Variants in TSPAN5 observed in about 807,000 individuals in gnomAD.
TSPAN5 encodes the protein tetraspanin-5.
In TSPAN5, 10 loss-of-function variants were observed where a neutral mutation model predicts 37.1. The observed-to-expected ratio is 0.27, with a 90% CI of 0.17 to 0.46. The LOEUF is 0.46. Among genes scored for constraint, TSPAN5 ranks in the 20% least tolerant of loss-of-function variants. The pLI is 1.00. For synonymous variants in TSPAN5, 110 were observed against 118.9 expected (o/e 0.93, Z 0.48); for missense variants, 195 against 326.6 (o/e 0.60, Z 3.11).
In TSPAN5 at chr4:98,658,503, C is replaced by T; in HGVS notation, c.-277G>A. On this transcript the variant is annotated 5_prime_UTR_variant, in exon 1 of 8. Coordinates refer to ENST00000305798, the MANE Select transcript of TSPAN5 (RefSeq NM_005723.4). ...AAGCCTCGCCGACGCTAGCCCCGAA[C>T]ACAAAGCGAGCGCCCGCGTCCGTGC... The T allele has an allele frequency of 4.4e-6, 1 of 225,686 alleles. No homozygotes were observed. Among genetic ancestry groups the T allele is most frequent in the Non-Finnish European group, 8.6e-6 (1 of 116,830 alleles). The allele number at this position is 225,686 out of a possible 1,614,324, so 14.0% of individuals were successfully genotyped here. A position where few individuals can be genotyped will look rare whatever the true frequency, so the allele number is the denominator to read the frequency against.
chr4:98,651,412 C>T (rs1757182992), intron 1 of TSPAN5, among the ~76,000 whole-genome samples: 1 of 152,170 alleles, frequency 6.6e-6, no homozygotes, highest in African/African-American at 2.4e-5. Flanking sequence ...ATGGGAGCAA[C>T]TGGGAAACTT....
At chr4:98,491,210 C>T (rs1052166467) in intron 2 of TSPAN5, among the ~76,000 whole-genome samples, 6 of 152,132 alleles carry the variant, frequency 3.9e-5, no homozygotes, top group African/African-American at 1.2e-4. Flanking sequence ...TACATCCACT[C>T]GGCATTTTTC....
chr4:98,514,594 G>A (rs1247360671), intron 1 of TSPAN5, among the ~76,000 whole-genome samples: 1 of 152,142 alleles, frequency 6.6e-6, no homozygotes, highest in East Asian at 1.9e-4. Flanking sequence ...CTGTAAACAG[G>A]ACATGTCCCA....
intron 1 of TSPAN5, among the ~76,000 whole-genome samples, chr4:98,621,628 A>G (rs1756483132): frequency 6.6e-6 from 1 of 152,066 alleles, no homozygotes; most frequent in Non-Finnish European, 1.5e-5. Context: ...TCAGGCTCCC[A>G]AAGTGCTAGG....
chr4:98,530,220 C>T (rs577871104), intron 1 of TSPAN5, among the ~76,000 whole-genome samples: 4 of 152,212 alleles, frequency 2.6e-5, no homozygotes, highest in Non-Finnish European at 5.9e-5. Flanking sequence ...AAATGAGAGA[C>T]AGTGAGCACA....
intron 1 of TSPAN5, among the ~76,000 whole-genome samples, chr4:98,546,387 CCT>C (rs1314856995): frequency 2.6e-5 from 4 of 152,114 alleles, no homozygotes; most frequent in African/African-American, 9.7e-5. Context: ...CCTGAGTATC[CCT>C]GAGAGGTGTT....
intron 1 of TSPAN5, among the ~76,000 whole-genome samples, chr4:98,639,132 C>A (rs1044825629): frequency 1.3e-5 from 2 of 152,132 alleles, no homozygotes; most frequent in African/African-American, 4.8e-5. Flanking sequence ...AAGTGTCTCC[C>A]AACAATTTGT....
At chr4:98,555,521 T>C (rs1754721375) in intron 1 of TSPAN5, among the ~76,000 whole-genome samples, 1 of 152,268 alleles carries the variant, frequency 6.6e-6, no homozygotes, top group Non-Finnish European at 1.5e-5. Context: ...TAGTTGTTTT[T>C]CAGCTGTCTC....
chr4:98,516,026 C>G (rs773603086), intron 1 of TSPAN5, among the ~76,000 whole-genome samples: 2 of 152,154 alleles, frequency 1.3e-5, no homozygotes, highest in Non-Finnish European at 2.9e-5. Context: ...TGCATGATAT[C>G]CTGTGTGAAT....
At chr4:98,482,872 A>G (rs1160646186) in intron 3 of TSPAN5, 2 of 152,134 alleles carry the variant, frequency 1.3e-5, no homozygotes, top group Admixed American at 1.3e-4. Context: ...CAACATTTTA[A>G]GTGACATCAA....
intron 1 of TSPAN5, among the ~76,000 whole-genome samples, chr4:98,515,378 T>TC (rs1274833682): frequency 6.6e-6 from 1 of 152,124 alleles, no homozygotes; most frequent in African/African-American, 2.4e-5. Context: ...TAATATCAGT[T>TC]CCTGCCCCCC....
At chr4:98,508,559 C>G (rs1195360551) in intron 1 of TSPAN5, among the ~76,000 whole-genome samples, 2 of 130,448 alleles carry the variant, frequency 1.5e-5, no homozygotes, top group Non-Finnish European at 3.1e-5. Context: ...GGGTTTTACT[C>G]TCTCACACAG....
At chr4:98,547,869 G>T (rs1754504411) in intron 1 of TSPAN5, among the ~76,000 whole-genome samples, 1 of 151,930 alleles carries the variant, frequency 6.6e-6, no homozygotes, top group African/African-American at 2.4e-5. Context: ...CGCTGGCGTG[G>T]TGGTGGGTGC....
In TSPAN5 at chr4:98,607,712, A is replaced by T. The variant is rs575297666; in HGVS notation, c.81+50434T>A. ...AACAATCTGTGATGCCTTAAATGAA[A>T]TTTTTTTTTTTTTTTGAGATGGAGT... On this transcript the variant is annotated intron_variant, in intron 1 of 7. Coordinates refer to ENST00000305798, the MANE Select transcript of TSPAN5 (RefSeq NM_005723.4). Among the ~76,000 whole-genome samples the T allele has an allele frequency of 5.2e-3, 759 of 145,460 alleles. 1 individual carries two copies. Among genetic ancestry groups the T allele is most frequent in the Non-Finnish European group, 8.6e-3 (569 of 65,966 alleles).
At chr4:98,585,526 T>G (rs1376091043) in intron 1 of TSPAN5, among the ~76,000 whole-genome samples, 1 of 152,106 alleles carries the variant, frequency 6.6e-6, no homozygotes, top group Non-Finnish European at 1.5e-5. Context: ...GCAAGGCTGG[T>G]CTCAAACTCC....
intron 2 of TSPAN5, chr4:98,496,573 G>C (rs1753218501): frequency 6.6e-6 from 1 of 152,162 alleles, no homozygotes; most frequent in South Asian, 2.1e-4. Context: ...GAGAAGGAGG[G>C]GTAGTCATCT....
chr4:98,481,949 A>C, intron 4 of TSPAN5, 56 bp downstream of exon 4: 1 of 1,572,814 alleles, frequency 6.4e-7, no homozygotes, highest in Admixed American at 1.7e-5. Context: ...GATGAAATTC[A>C]CTGGGGTCAT....
At chr4:98,496,826 AAACATTCC>A (rs1458588003) in intron 2 of TSPAN5, 3 of 152,220 alleles carry the variant, frequency 2.0e-5, no homozygotes, top group African/African-American at 7.2e-5. Flanking sequence ...ACATACCTAG[AAACATTCC>A]AGCCTAGGTG....
At chr4:98,549,395 C>A (rs1302420604) in intron 1 of TSPAN5, among the ~76,000 whole-genome samples, 3 of 151,574 alleles carry the variant, frequency 2.0e-5, no homozygotes, top group Non-Finnish European at 4.4e-5. Flanking sequence ...CTCTGCCTCT[C>A]GGGTTTAAGC....
Sources: allele counts gnomAD v4.1 joint callset (sites outside exome capture counted in the v4.1 genomes callset), GRCh38; gene constraint gnomAD v4.1.1; transcripts MANE v1.5; gene names NCBI Gene and HGNC (gene_info 2026-07-23, HGNC 2026-07-21).